NEGR1: variants seen among roughly 807,000 people sequenced by gnomAD.
NEGR1 encodes IgLON family member 4.
A neutral mutation model predicts 40.9 loss-of-function variants in NEGR1; 10 were observed. The observed-to-expected ratio is 0.24, with a 90% CI of 0.15 to 0.42. The LOEUF (loss-of-function observed/expected upper bound fraction) is 0.42. Ranked by LOEUF, NEGR1 falls within the 10% of genes least tolerant of loss-of-function variation. The pLI is 1.00. For synonymous variants in NEGR1, 185 were observed against 166.8 expected, an observed-to-expected ratio of 1.11 and a Z score of -0.84; for missense variants, 352 against 438.9, an observed-to-expected ratio of 0.80 and a Z score of 1.77.
At position 71,401,975 on chromosome 1, in the gene NEGR1, T is replaced by A. The variant is rs954365348; in HGVS notation, c.*5471A>T. On this transcript the variant is annotated 3_prime_UTR_variant, in exon 7 of 7. Coordinates refer to ENST00000357731, the MANE Select transcript of NEGR1 (RefSeq NM_173808.3). Reference sequence around the variant, plus strand: ...GCAGGTATTGGAAAATACAAGGATGTCATAAATATCTATATTTATATTTAA... The same window carrying A: ...GCAGGTATTGGAAAATACAAGGATGACATAAATATCTATATTTATATTTAA... 3 of 152,040 alleles carry A rather than the reference T, an allele frequency of 2.0e-5. No individual in the cohort carries two copies. The highest frequency in any genetic ancestry group is 4.4e-5 in the Non-Finnish European group (3 of 68,008). 9.4% of individuals were successfully genotyped at this position (152,040 alleles called of 1,614,324 possible). A position where few individuals can be genotyped will look rare whatever the true frequency, so the allele number is the denominator to read the frequency against.
At chr1:71,806,288 G>A (rs1174880725) in intron 2 of NEGR1, among the ~76,000 whole-genome samples, 1 of 151,960 alleles carries the variant, frequency 6.6e-6, no homozygotes, top group African/African-American at 2.4e-5. Flanking sequence ...TAAGCACCAT[G>A]TGAATTTTTA....
At chr1:72,074,332 T>C (rs796202677) in intron 1 of NEGR1, among the ~76,000 whole-genome samples, 7 of 152,226 alleles carry the variant, frequency 4.6e-5, no homozygotes, top group African/African-American at 1.7e-4. Flanking sequence ...TACAAAATAA[T>C]TGTTACAATT....
At chr1:71,573,763 G>A (rs966852501) in intron 6 of NEGR1, among the ~76,000 whole-genome samples, 1 of 152,020 alleles carries the variant, frequency 6.6e-6, no homozygotes, top group Non-Finnish European at 1.5e-5. Context: ...TAAGTCCTAG[G>A]CAGATGACAA....
intron 3 of NEGR1, among the ~76,000 whole-genome samples, chr1:71,758,558 T>C (rs1031465774): frequency 6.6e-6 from 1 of 152,140 alleles, no homozygotes; most frequent in African/African-American, 2.4e-5. Flanking sequence ...CTAGTGATGA[T>C]TATTCCTAAT....
chr1:71,940,130 C>T (rs2100243176), intron 1 of NEGR1, among the ~76,000 whole-genome samples: 1 of 152,232 alleles, frequency 6.6e-6, no homozygotes, highest in Middle Eastern at 3.4e-3. Context: ...AGTAACAGTT[C>T]TCTGGTCACA....
At chr1:71,569,729 C>T (rs1648749488) in intron 6 of NEGR1, among the ~76,000 whole-genome samples, 1 of 152,122 alleles carries the variant, frequency 6.6e-6, no homozygotes, top group South Asian at 2.1e-4. Context: ...GAGAGAGCTG[C>T]AGTGTGACTT....
chr1:71,987,938 T>G (rs1646411880), intron 1 of NEGR1, among the ~76,000 whole-genome samples: 1 of 152,188 alleles, frequency 6.6e-6, no homozygotes, highest in Non-Finnish European at 1.5e-5. Context: ...AAGGATGCTT[T>G]GGGGACTGTT....
chr1:72,210,715 G>T (rs1653572188), intron 1 of NEGR1, among the ~76,000 whole-genome samples: 1 of 151,890 alleles, frequency 6.6e-6, no homozygotes, highest in Admixed American at 6.6e-5. Flanking sequence ...TTATGATATT[G>T]TTAATGGAGT....
chr1:71,780,061 A>G (rs1486523336), intron 2 of NEGR1, among the ~76,000 whole-genome samples: 1 of 145,756 alleles, frequency 6.9e-6, no homozygotes, highest in Non-Finnish European at 1.5e-5. Context: ...AAAAAAAAAA[A>G]AAAAAAAAAA....
chr1:72,066,871 A>G (rs796122463), intron 1 of NEGR1, among the ~76,000 whole-genome samples: 7 of 152,268 alleles, frequency 4.6e-5, no homozygotes, highest in African/African-American at 1.7e-4. Flanking sequence ...TGGTAACTAA[A>G]GATTGAAAGA....
intron 4 of NEGR1, among the ~76,000 whole-genome samples, chr1:71,621,823 T>G (rs920921722): frequency 6.6e-6 from 1 of 151,900 alleles, no homozygotes; most frequent in African/African-American, 2.4e-5. Flanking sequence ...TACTAAGCTA[T>G]CATTAGTCAT....
At chr1:71,508,060 T>G (rs1050561980) in intron 6 of NEGR1, among the ~76,000 whole-genome samples, 4 of 152,110 alleles carry the variant, frequency 2.6e-5, no homozygotes, top group Non-Finnish European at 5.9e-5. Flanking sequence ...AGAATCAATT[T>G]TAAGAAATTA....
intron 6 of NEGR1, among the ~76,000 whole-genome samples, chr1:71,493,723 T>C (rs546977357): frequency 5.1e-4 from 77 of 152,308 alleles, no homozygotes; most frequent in Non-Finnish European, 1.0e-3. Context: ...GATTTTTCAT[T>C]ATTCTGCTCA....
chr1:72,250,820 G>T (rs147735103), intron 1 of NEGR1, among the ~76,000 whole-genome samples: 1 of 152,144 alleles, frequency 6.6e-6, no homozygotes, highest in Admixed American at 6.5e-5. Context: ...GATTTTCCCT[G>T]CCAGCAGCAA....
intron 1 of NEGR1, among the ~76,000 whole-genome samples, chr1:71,967,610 A>T: frequency 6.6e-6 from 1 of 152,232 alleles, no homozygotes; most frequent in East Asian, 1.9e-4. Context: ...CAAATAAAAA[A>T]TATCTCCACA....
rs183806137 is a variant in NEGR1 at position 71,438,056 on chromosome 1, A to G, written c.941-30486T>C. Among the ~76,000 whole-genome samples the G allele has an allele frequency of 3.3e-4, 51 of 152,292 alleles. 1 individual carries two copies. Among genetic ancestry groups the G allele is most frequent in the Admixed American group, 3.0e-3 (46 of 15,304 alleles). ...TTCTATTAGCTACAGCTGCTGATCT[A>G]TGGTTTAAACCAGTTACCTGCCAAA... On this transcript the variant is annotated intron_variant, in intron 6 of 6. Coordinates refer to ENST00000357731, the MANE Select transcript of NEGR1 (RefSeq NM_173808.3).
intron 6 of NEGR1, among the ~76,000 whole-genome samples, chr1:71,510,410 T>G (rs1647064813): frequency 6.6e-6 from 1 of 151,814 alleles, no homozygotes; most frequent in African/African-American, 2.4e-5. Flanking sequence ...AGGAGGGAAT[T>G]TGAAAGAAAC....
chr1:71,519,918 G>C (rs1292877089), intron 6 of NEGR1, among the ~76,000 whole-genome samples: 1 of 151,706 alleles, frequency 6.6e-6, no homozygotes, highest in Non-Finnish European at 1.5e-5. Context: ...TGTACCTGGG[G>C]TTTTTAAAAC....
intron 1 of NEGR1, among the ~76,000 whole-genome samples, chr1:72,030,916 C>T (rs545663709): frequency 2.2e-4 from 33 of 152,306 alleles, no homozygotes; most frequent in African/African-American, 7.9e-4. Context: ...GAAAGATGCT[C>T]TTCACGTAGC....
Sources: allele counts gnomAD v4.1 joint callset (sites outside exome capture counted in the v4.1 genomes callset), GRCh38; gene constraint gnomAD v4.1.1; transcripts MANE v1.5; gene names NCBI Gene and HGNC (gene_info 2026-07-23, HGNC 2026-07-21).